Variants in APBA2 observed in about 807,000 individuals in gnomAD.
APBA2 encodes amyloid beta precursor protein binding family A member 2.
Under a neutral mutation model 75.0 loss-of-function variants are expected in APBA2, and 30 were observed. The ratio of observed to expected loss-of-function variants is 0.40; its 90% confidence interval spans 0.30 to 0.54. The LOEUF (loss-of-function observed/expected upper bound fraction) is 0.54, where lower values mean the gene tolerates loss of function less well. APBA2 is among the 20% of genes least tolerant of loss of function. The probability of loss-of-function intolerance (pLI) is 0.49; values close to 1 mark genes in which losing one functional copy is unlikely to be tolerated. For synonymous variants in APBA2, 444 were observed against 409.6 expected (o/e 1.08, Z -1.01); for missense variants, 801 against 1,016.1 (o/e 0.79, Z 2.88).
chr15:29,006,120 A>G (rs986948606), intron 3 of APBA2, among the ~76,000 whole-genome samples: 1 of 152,216 alleles, frequency 6.6e-6, no homozygotes, highest in Non-Finnish European at 1.5e-5. Context: ...GAGGCATCCA[A>G]ATTGGAAAGG....
intron 4 of APBA2, among the ~76,000 whole-genome samples, chr15:29,061,355 G>A (rs2042123081): frequency 6.6e-6 from 1 of 152,282 alleles, no homozygotes; most frequent in African/African-American, 2.4e-5. Context: ...CCTTGTCCAG[G>A]ACCTCCATGG....
chr15:28,928,905 T>C (rs1224805191), intron 2 of APBA2, among the ~76,000 whole-genome samples: 1 of 152,186 alleles, frequency 6.6e-6, no homozygotes, highest in East Asian at 1.9e-4. Context: ...TTGTCAGAAT[T>C]ACCCAAACTA....
intron 2 of APBA2, among the ~76,000 whole-genome samples, chr15:28,928,325 C>T (rs1272348945): frequency 2.0e-5 from 3 of 152,056 alleles, no homozygotes; most frequent in Non-Finnish European, 2.9e-5. Flanking sequence ...TGAGTGCCGG[C>T]GTATTCCGAT....
At chr15:28,896,851 G>A (rs568544593) in intron 1 of APBA2, among the ~76,000 whole-genome samples, 2 of 152,320 alleles carry the variant, frequency 1.3e-5, no homozygotes, top group South Asian at 2.1e-4. Context: ...AGTAACTGGA[G>A]TTATAATACA....
intron 12 of APBA2, among the ~76,000 whole-genome samples, chr15:29,107,413 G>A (rs577351971): frequency 6.6e-6 from 1 of 152,292 alleles, no homozygotes; most frequent in South Asian, 2.1e-4. Flanking sequence ...GCCTGCTGCT[G>A]GCGGCTCTTG....
intron 3 of APBA2, among the ~76,000 whole-genome samples, chr15:29,047,863 C>T (rs1332226516): frequency 6.6e-6 from 1 of 151,768 alleles, no homozygotes; most frequent in African/African-American, 2.4e-5. Context: ...CCAACAATAA[C>T]CAGGTAAATA....
At chr15:28,908,003 G>GAA (rs1008789676) in intron 1 of APBA2, among the ~76,000 whole-genome samples, 1 of 152,224 alleles carries the variant, frequency 6.6e-6, no homozygotes, top group Non-Finnish European at 1.5e-5. Flanking sequence ...TACCATTGGT[G>GAA]AAAATATCCT....
At chr15:28,968,810 C>T (rs749302157) in intron 2 of APBA2, among the ~76,000 whole-genome samples, 3 of 152,172 alleles carry the variant, frequency 2.0e-5, no homozygotes, top group African/African-American at 4.8e-5. Flanking sequence ...AGAGGAAATG[C>T]GGAAGCAGAC....
At chr15:29,057,577 A>G (rs969737686) in intron 4 of APBA2, among the ~76,000 whole-genome samples, 1 of 152,236 alleles carries the variant, frequency 6.6e-6, no homozygotes, top group African/African-American at 2.4e-5. Context: ...CGTAGCTGTC[A>G]TCATAACCCA....
At chr15:28,899,193 C>T (rs2032696815) in intron 1 of APBA2, among the ~76,000 whole-genome samples, 1 of 152,248 alleles carries the variant, frequency 6.6e-6, no homozygotes, top group South Asian at 2.1e-4. Flanking sequence ...TATGGCACCA[C>T]CTGGCTACCT....
chr15:28,999,908 C>T (rs1014277365), intron 3 of APBA2, among the ~76,000 whole-genome samples: 2 of 152,146 alleles, frequency 1.3e-5, no homozygotes, highest in Admixed American at 6.5e-5. Context: ...AGAACTGGTG[C>T]AGATTCCAGT....
Position 29,057,920 on chromosome 15 carries a change from GA to G in APBA2, c.951+3086del, listed in dbSNP as rs142790789. The stretch of plus-strand genomic sequence containing the variant: ...GCCTAATTGTTTCCCTTCTTCTGTG[GA>G]TGTTGGATGCATGCCCTTTATCTTT... On this transcript the variant is annotated intron_variant, in intron 4 of 14. Transcript: ENST00000683413. Among the ~76,000 whole-genome samples, 96 of 152,294 alleles carry G rather than the reference GA, an allele frequency of 6.3e-4. No individual in the cohort carries two copies. The South Asian group carries it at 6.6e-3, about 11-fold the overall frequency.
At chr15:29,020,524 G>A (rs771772574) in intron 3 of APBA2, among the ~76,000 whole-genome samples, 11 of 151,758 alleles carry the variant, frequency 7.2e-5, no homozygotes, top group African/African-American at 2.4e-4. Context: ...AAACAAAACC[G>A]GCCGGGTGCT....
At chr15:29,017,147 G>T (rs2039702975) in intron 3 of APBA2, among the ~76,000 whole-genome samples, 1 of 152,008 alleles carries the variant, frequency 6.6e-6, no homozygotes, top group Non-Finnish European at 1.5e-5. Flanking sequence ...TGAGGTCCTT[G>T]CTCCCTGGTG....
chr15:29,027,947 A>G (rs1317219935), intron 3 of APBA2, among the ~76,000 whole-genome samples: 1 of 144,880 alleles, frequency 6.9e-6, no homozygotes, highest in Non-Finnish European at 1.5e-5. Flanking sequence ...TTTCACTTTT[A>G]TTTCTTAGAC....
intron 3 of APBA2, among the ~76,000 whole-genome samples, chr15:29,050,882 G>A (rs1034511529): frequency 5.3e-5 from 8 of 152,232 alleles, no homozygotes; most frequent in African/African-American, 1.9e-4. Flanking sequence ...AGCCTGGCGA[G>A]AAACAGGGAT....
Position 29,030,729 on chromosome 15 carries a change from A to ATGTGTGTG in APBA2, c.-40-23088_-40-23081dup, listed in dbSNP as rs60048817. On this transcript the variant is annotated intron_variant, in intron 3 of 14. Transcript: ENST00000683413. The stretch of plus-strand genomic sequence containing the variant: ...CAGTTTTGGTTAAACCCATGTGAGT[A>ATGTGTGTG]TGTGTGTGTGTGTGTGTGTGTGTGT... Among the ~76,000 whole-genome samples, 526 of 113,300 alleles carry ATGTGTGTG rather than the reference A, an allele frequency of 4.6e-3. 2 individuals are homozygous for ATGTGTGTG. The highest frequency in any genetic ancestry group is 0.015 in the African/African-American group (494 of 32,462). 74.3% of individuals were successfully genotyped at this position (113,300 alleles called of 152,430 possible). A position where few individuals can be genotyped will look rare whatever the true frequency, so the allele number is the denominator to read the frequency against.
At chr15:28,931,569 G>C (rs946038250) in intron 2 of APBA2, among the ~76,000 whole-genome samples, 1 of 152,116 alleles carries the variant, frequency 6.6e-6, no homozygotes, top group Non-Finnish European at 1.5e-5. Flanking sequence ...TGCTCCATAG[G>C]GTCCAGCCGG....
Position 29,054,246 on chromosome 15 carries a change from A to G in APBA2, c.362A>G (p.Tyr121Cys). 6.2e-7 allele frequency: 1 copy of G among 1,614,112 alleles called. No individual in the cohort carries two copies. The highest frequency in any genetic ancestry group is 1.7e-5 in the Admixed American group (1 of 60,022). ...LEGMDCNGEE[Y>C]LAHSAHPVDT... ...GGCATGGACTGCAACGGGGAGGAGT[A>G]CCTGGCCCACAGTGCACACCCTGTG... The change falls in exon 4 of 15, where the codon TAC becomes TGC. Residue 121 changes from tyrosine (Y) to cysteine (C), a missense_variant. By Grantham distance (194) the Tyr-to-Cys change is radical (BLOSUM62 -2). Coordinates refer to ENST00000683413, the MANE Select transcript of APBA2 (RefSeq NM_001353788.2). The surrounding 1 kb of genome is among the most constrained non-coding windows in gnomAD (Gnocchi z 6.1).
Sources: allele counts gnomAD v4.1 joint callset (sites outside exome capture counted in the v4.1 genomes callset), GRCh38; gene constraint gnomAD v4.1.1; non-coding constraint Gnocchi (gnomAD v3.1); transcripts MANE v1.5; gene names NCBI Gene and HGNC (gene_info 2026-07-23, HGNC 2026-07-21).